Variants in UNC5C observed in about 807,000 individuals in gnomAD.
UNC5C encodes the protein netrin receptor UNC5C.
Under a neutral mutation model 99.8 loss-of-function variants are expected in UNC5C, and 47 were observed. That is an observed-to-expected ratio of 0.47 (90% CI 0.37 to 0.60). The LOEUF is 0.60. UNC5C is among the 20% of genes least tolerant of loss of function. UNC5C has a pLI of 0.00. For missense variants in UNC5C, 1,062 were observed against 1,165.9 expected, an observed-to-expected ratio of 0.91 and a Z score of 1.30; for synonymous variants, 487 against 452.2, an observed-to-expected ratio of 1.08 and a Z score of -0.98.
intron 14 of UNC5C, among the ~76,000 whole-genome samples, chr4:95,179,759 A>G (rs1157528559): frequency 6.6e-6 from 1 of 151,452 alleles, no homozygotes; most frequent in African/African-American, 2.4e-5. Context: ...AAAAAAAAAA[A>G]AAAAAAGAAA....
At chr4:95,399,451 C>T (rs1440394213) in intron 1 of UNC5C, among the ~76,000 whole-genome samples, 1 of 152,162 alleles carries the variant, frequency 6.6e-6, no homozygotes, top group Non-Finnish European at 1.5e-5. Flanking sequence ...TTATGTCAGT[C>T]CCTTGCATAA....
At chr4:95,278,541 C>T (rs1740944114) in intron 3 of UNC5C, among the ~76,000 whole-genome samples, 179 bp from the exon 4 acceptor site, 1 of 150,680 alleles carries the variant, frequency 6.6e-6, no homozygotes, top group East Asian at 2.0e-4. Context: ...GTGGTGTGAT[C>T]ACAGCTCACT....
chr4:95,329,463 G>T (rs966990919), intron 2 of UNC5C, among the ~76,000 whole-genome samples: 9 of 152,000 alleles, frequency 5.9e-5, no homozygotes, highest in African/African-American at 2.2e-4. Context: ...AATATTGATG[G>T]TATTTTCAAA....
At chr4:95,347,566 A>C (rs1743823325) in intron 1 of UNC5C, among the ~76,000 whole-genome samples, 1 of 152,102 alleles carries the variant, frequency 6.6e-6, no homozygotes, top group Non-Finnish European at 1.5e-5. Flanking sequence ...AGACACACAG[A>C]CTCATGGAAC....
chr4:95,284,620 T>TA (rs1221535112), intron 3 of UNC5C, among the ~76,000 whole-genome samples: 1 of 152,056 alleles, frequency 6.6e-6, no homozygotes, highest in East Asian at 1.9e-4. Context: ...ATTTGGTATT[T>TA]AAAAAAATTA....
intron 11 of UNC5C, among the ~76,000 whole-genome samples, chr4:95,206,104 G>A (rs1004541605): frequency 5.9e-5 from 9 of 151,272 alleles, no homozygotes; most frequent in African/African-American, 1.7e-4. Flanking sequence ...GGGTTCAAGC[G>A]GTTCTCCTGC....
At chr4:95,326,579 T>G (rs1486436467) in intron 2 of UNC5C, among the ~76,000 whole-genome samples, 1 of 152,152 alleles carries the variant, frequency 6.6e-6, no homozygotes, top group Non-Finnish European at 1.5e-5. Flanking sequence ...TCTGAATCAT[T>G]TATTATAAGC....
intron 1 of UNC5C, among the ~76,000 whole-genome samples, chr4:95,341,840 G>C (rs1023458692): frequency 2.0e-5 from 3 of 152,136 alleles, no homozygotes; most frequent in Non-Finnish European, 4.4e-5. Flanking sequence ...GAGAGAATCT[G>C]TGTCCTTGGG....
chr4:95,252,603 T>A (rs961001382), intron 4 of UNC5C, among the ~76,000 whole-genome samples: 1 of 152,206 alleles, frequency 6.6e-6, no homozygotes, highest in Non-Finnish European at 1.5e-5. Flanking sequence ...TGCAGCTACA[T>A]CCTTGAGACT....
chr4:95,492,209 A>C (rs1054206336), intron 1 of UNC5C, among the ~76,000 whole-genome samples: 71 of 151,558 alleles, frequency 4.7e-4, no homozygotes, highest in Non-Finnish European at 1.5e-4. Context: ...GAATAGCTAC[A>C]CTATCTTAAT....
At chr4:95,191,053 C>T (rs996740695) in intron 12 of UNC5C, among the ~76,000 whole-genome samples, 1 of 152,178 alleles carries the variant, frequency 6.6e-6, no homozygotes, top group African/African-American at 2.4e-5. Flanking sequence ...AAGGAGGCAC[C>T]TCTGGCCTCT....
At chr4:95,222,300 A>T in intron 7 of UNC5C, 2 of 1,313,260 alleles carry the variant, frequency 1.5e-6, no homozygotes, top group South Asian at 1.5e-5. Context: ...CAAAAATGGG[A>T]ACAAAATCAA....
chr4:95,470,482 T>C (rs1377907806), intron 1 of UNC5C, among the ~76,000 whole-genome samples: 1 of 152,076 alleles, frequency 6.6e-6, no homozygotes, highest in African/African-American at 2.4e-5. Context: ...AGATAGGGAC[T>C]GTGCCTGTGA....
chr4:95,410,598 T>C (rs141262501), intron 1 of UNC5C, among the ~76,000 whole-genome samples: 8 of 152,204 alleles, frequency 5.3e-5, no homozygotes, highest in South Asian at 4.1e-4. Context: ...CAGAGCAGAA[T>C]GAAAGAGCCA....
intron 1 of UNC5C, among the ~76,000 whole-genome samples, chr4:95,480,221 G>A (rs975260768): frequency 3.4e-5 from 5 of 148,684 alleles, no homozygotes; most frequent in African/African-American, 1.3e-4. Flanking sequence ...AAGTATACAT[G>A]TATATATACA....
intron 4 of UNC5C, among the ~76,000 whole-genome samples, chr4:95,262,626 T>TA (rs1011878774): frequency 2.0e-5 from 3 of 151,966 alleles, no homozygotes; most frequent in African/African-American, 4.8e-5. Flanking sequence ...TTGGGTTTTT[T>TA]AAAAAAAATT....
At chr4:95,445,768 G>C (rs1048412631) in intron 1 of UNC5C, among the ~76,000 whole-genome samples, 5 of 150,774 alleles carry the variant, frequency 3.3e-5, no homozygotes, top group Non-Finnish European at 7.4e-5. Context: ...AATGTAGATC[G>C]AGTGGAGTCA....
At chr4:95,532,406 C>T (rs1338996649) in intron 1 of UNC5C, among the ~76,000 whole-genome samples, 2 of 149,528 alleles carry the variant, frequency 1.3e-5, no homozygotes, top group African/African-American at 2.5e-5. Context: ...TTCCAAGATG[C>T]GTTATGTATG....
chr4:95,353,195 C>T (rs924842949), intron 1 of UNC5C, among the ~76,000 whole-genome samples: 6 of 152,192 alleles, frequency 3.9e-5, no homozygotes, highest in Admixed American at 2.0e-4. Flanking sequence ...TGCTTTAATG[C>T]AATTTGGGGG....
Sources: gnomAD v4.1 joint callset for allele counts (sites outside exome capture counted in the v4.1 genomes callset) on GRCh38, gnomAD v4.1.1 for gene constraint, MANE v1.5 for transcripts, NCBI Gene and HGNC (gene_info 2026-07-23, HGNC 2026-07-21) for gene names.